The following NCAPD3 variants were observed in gnomAD, a reference collection of about 807,000 sequenced individuals.
The protein encoded by NCAPD3 is non-SMC condensin II complex subunit D3.
In NCAPD3, 105 loss-of-function variants were observed where a neutral mutation model predicts 182.9. That is an observed-to-expected ratio of 0.57 (90% CI 0.49 to 0.68). NCAPD3 has a LOEUF of 0.68. Ranked by LOEUF, NCAPD3 falls within the 30% of genes least tolerant of loss-of-function variation. NCAPD3 has a pLI of 0.00. For missense variants in NCAPD3, 1,944 were observed against 1,837.0 expected, an observed-to-expected ratio of 1.06 and a Z score of -1.07; for synonymous variants, 815 against 679.9, an observed-to-expected ratio of 1.20 and a Z score of -3.09.
intron 3 of NCAPD3, among the ~76,000 whole-genome samples, chr11:134,210,940 A>AG (rs1235842381): frequency 4.9e-4 from 75 of 152,380 alleles, no homozygotes; most frequent in African/African-American, 1.6e-3. Flanking sequence ...TTTATAGAAC[A>AG]GAAGAACCTA....
chr11:134,177,369 G>A lies in NCAPD3; in HGVS notation c.2871C>T (p.Val957=). 6.2e-7 allele frequency: 1 copy of A among 1,614,242 alleles called. No homozygotes were observed. Among genetic ancestry groups the A allele is most frequent in the Non-Finnish European group, 8.5e-7 (1 of 1,180,038 alleles). ...RELEVCEDVA[V]RNNVIIVMCD... is the part of the protein sequence containing the mutation. The stretch of plus-strand genomic sequence containing the variant: ...ACATTACAATGATGACGTTGTTGCG[G>A]ACAGCCACGTCCTCACACACCTCGA... The change falls in exon 23 of 35, where the codon GTC becomes GTT. Residue 957 remains valine (V), a synonymous_variant. Coordinates refer to ENST00000534548, the MANE Select transcript of NCAPD3 (RefSeq NM_015261.3).
chr11:134,157,140 T>C, intron 31 of NCAPD3, 45 bp from the exon 32 acceptor site: 2 of 1,469,788 alleles, frequency 1.4e-6, no homozygotes, highest in Non-Finnish European at 1.9e-6. Context: ...CCCCAAACAA[T>C]AACGAAGAGC....
In NCAPD3 at chr11:134,209,449, T is replaced by A; in HGVS notation, c.596A>T (p.Asp199Val). Residue 199 changes from aspartate to valine, a missense_variant, in exon 5 of 35, where the codon GAT becomes GTT. This residue lies in a region of NCAPD3 where 1,803 missense variants were observed against 1,674.6 expected (regional missense o/e 1.08). Transcript: ENST00000534548. Reference sequence around the variant, plus strand: ...CCGGGCAGAAAAACAAATATTCTCATCTTCTTGTTCTTCTATAATTTCATC... The same window carrying A: ...CCGGGCAGAAAAACAAATATTCTCAACTTCTTGTTCTTCTATAATTTCATC... The part of the protein sequence containing the change: ...EMDEIIEEQE[D>V]ENICFSARDL... 6.2e-7 allele frequency: 1 copy of A among 1,611,916 alleles called. No individual in the cohort carries two copies. The highest frequency in any genetic ancestry group is 8.5e-7 in the Non-Finnish European group (1 of 1,179,212).
At chr11:134,167,655 G>A (rs894389300) in intron 27 of NCAPD3, among the ~76,000 whole-genome samples, 2 of 139,816 alleles carry the variant, frequency 1.4e-5, no homozygotes, top group East Asian at 4.6e-4. Flanking sequence ...GCTTGGGGGA[G>A]CAGCACACTC....
At chr11:134,184,402 A>T (rs1944354941) in intron 19 of NCAPD3, among the ~76,000 whole-genome samples, 1 of 152,244 alleles carries the variant, frequency 6.6e-6, no homozygotes, top group South Asian at 2.1e-4. Context: ...AGACACTCGC[A>T]CCTGCGATCA....
intron 7 of NCAPD3, among the ~76,000 whole-genome samples, chr11:134,207,198 T>C (rs1340527041): frequency 6.6e-6 from 1 of 152,162 alleles, no homozygotes; most frequent in Admixed American, 6.5e-5. Context: ...AAATAAAACA[T>C]TTACTGAAAA....
At chr11:134,223,655 C>G (rs2136039360) in intron 1 of NCAPD3, among the ~76,000 whole-genome samples, 1 of 152,362 alleles carries the variant, frequency 6.6e-6, no homozygotes, top group Admixed American at 6.5e-5. Context: ...TTCGCTTATT[C>G]TAAGGGTGGC....
chr11:134,197,933 C>T (rs907836345), intron 13 of NCAPD3, among the ~76,000 whole-genome samples: 4 of 152,162 alleles, frequency 2.6e-5, no homozygotes, highest in African/African-American at 4.8e-5. Context: ...TCGTACTCAG[C>T]GGTGAAGACC....
chr11:134,223,306 C>G (rs897571491), intron 1 of NCAPD3: 4 of 643,972 alleles, frequency 6.2e-6, no homozygotes, highest in African/African-American at 5.4e-5. Flanking sequence ...AGGAATGGAG[C>G]GGGGCTGCCC....
intron 27 of NCAPD3, among the ~76,000 whole-genome samples, chr11:134,163,231 A>G (rs1591823573): frequency 2.0e-5 from 3 of 152,176 alleles, no homozygotes; most frequent in Admixed American, 6.5e-5. Flanking sequence ...AACATATGTA[A>G]TAAATTTACC....
intron 3 of NCAPD3, among the ~76,000 whole-genome samples, chr11:134,216,269 T>C (rs1442654120): frequency 6.6e-6 from 1 of 152,248 alleles, no homozygotes. Context: ...TAAACATTTG[T>C]AATTAAACAA....
Position 134,206,619 on chromosome 11 carries a change from G to A in NCAPD3, c.996C>T (p.Asn332=). 1 of 1,613,210 alleles carries A rather than the reference G, an allele frequency of 6.2e-7. No homozygotes were observed. Among genetic ancestry groups the A allele is most frequent in the Admixed American group, 1.7e-5 (1 of 59,790 alleles). The change falls in exon 8 of 35, where the codon AAC becomes AAT. Residue 332 remains asparagine (N), a synonymous_variant. Transcript: ENST00000534548. The stretch of plus-strand genomic sequence containing the variant: ...TTCACCTGATAAACTGGACCGCCTG[G>A]TTTCTACAGTTGATGACTTGGGAGG... ...AVTSQVINCR[N]QAVQFISALV... is the part of the protein sequence containing the mutation.
chr11:134,164,984 CTT>C (rs1433263504), intron 27 of NCAPD3, among the ~76,000 whole-genome samples: 1 of 146,598 alleles, frequency 6.8e-6, no homozygotes, highest in East Asian at 2.1e-4. Context: ...GGCATGCTCA[CTT>C]GTGACACAAA....
At chr11:134,201,798 A>G (rs977380734) in intron 13 of NCAPD3, among the ~76,000 whole-genome samples, 3 of 152,218 alleles carry the variant, frequency 2.0e-5, no homozygotes, top group Non-Finnish European at 4.4e-5. Context: ...ATTTTTCCAG[A>G]GTACATTTTC....
In NCAPD3 at chr11:134,158,117, G is replaced by C. The variant is rs149660325; in HGVS notation, c.4035-50C>G. ...GACTTTCTCACTGCAGACCACTGCA[G>C]AGGTGACAGTGCTGCACTGTGTCCC... On this transcript the variant is annotated intron_variant, in intron 30 of 34. Transcript: ENST00000534548. 7.7e-4 allele frequency: 1,233 copies of C among 1,597,506 alleles called. 7 individuals carry two copies. In the African/African-American group the frequency reaches 0.013, roughly 17 times the overall value.
intron 24 of NCAPD3, among the ~76,000 whole-genome samples, chr11:134,172,260 T>C (rs1036393470): frequency 3.3e-5 from 5 of 152,204 alleles, no homozygotes; most frequent in Non-Finnish European, 1.5e-5. Context: ...AGCTACTGAA[T>C]GCCCTAACTT....
At position 134,161,851 on chromosome 11, in the gene NCAPD3, A is replaced by G; in HGVS notation, c.3614T>C (p.Ile1205Thr). 1 of 1,582,710 alleles carries G rather than the reference A, an allele frequency of 6.3e-7. No individual in the cohort carries two copies. Among genetic ancestry groups the G allele is most frequent in the Non-Finnish European group, 8.6e-7 (1 of 1,157,808 alleles). Reference sequence around the variant, plus strand: ...CTCCAGCACAGTCTTCAGGGAGATGATAATTGGAATAATATTTTCTATGAA... The same window carrying G: ...CTCCAGCACAGTCTTCAGGGAGATGGTAATTGGAATAATATTTTCTATGAA... ...RNFIENIIPI[I>T]ISLKTVLEKN... Residue 1205 changes from isoleucine to threonine, a missense_variant, in exon 28 of 35, where the codon ATC (isoleucine) becomes ACC (threonine). Ile to Thr is a moderately conservative substitution (Grantham distance 89, BLOSUM62 -1). Around this residue, in one of 3 missense-constraint regions of NCAPD3, gnomAD observed 1,803 missense variants for 1,674.6 expected, o/e 1.08. Transcript: ENST00000534548.
chr11:134,185,303 T>C (rs1944380500), intron 17 of NCAPD3, 32 bp downstream of exon 17: 3 of 1,544,848 alleles, frequency 1.9e-6, no homozygotes, highest in African/African-American at 1.4e-5. Context: ...GACTCTTCAG[T>C]GTCATTACTG....
intron 14 of NCAPD3, 54 bp downstream of exon 14, chr11:134,194,611 G>T (rs559930147): frequency 9.3e-6 from 12 of 1,285,058 alleles, no homozygotes; most frequent in Non-Finnish European, 1.2e-5. Context: ...ATATTCCTTT[G>T]CATTTCCAAG....
Sources: gnomAD v4.1 joint callset for allele counts (sites outside exome capture counted in the v4.1 genomes callset) on GRCh38, gnomAD v4.1.1 for gene constraint, gnomAD v4.1.1 regional missense constraint, MANE v1.5 for transcripts, NCBI Gene and HGNC (gene_info 2026-07-23, HGNC 2026-07-21) for gene names.